EHHADH: variants seen among roughly 807,000 people sequenced by gnomAD.
EHHADH encodes peroxisomal bifunctional enzyme.
Under a neutral mutation model 64.4 loss-of-function variants are expected in EHHADH, and 48 were observed. The ratio of observed to expected loss-of-function variants is 0.75; its 90% CI spans 0.59 to 0.95. The LOEUF (loss-of-function observed/expected upper bound fraction) is 0.95, where lower values mean the gene tolerates loss of function less well. Ranked by LOEUF, EHHADH falls within the 40% of genes least tolerant of loss-of-function variation. EHHADH has a pLI of 0.00. For missense variants in EHHADH, 854 were observed against 876.6 expected, an observed-to-expected ratio of 0.97 and a Z score of 0.33; for synonymous variants, 308 against 326.7, an observed-to-expected ratio of 0.94 and a Z score of 0.62.
chr3:185,209,243 T>TA (rs1718476493), intron 5 of EHHADH, among the ~76,000 whole-genome samples: 4 of 152,130 alleles, frequency 2.6e-5, no homozygotes, highest in Admixed American at 2.6e-4. Context: ...AAGACCTTAA[T>TA]AAAAACAGAA....
rs1717863719 is a variant in EHHADH, at chr3:185,191,401, A to C, written c.*825T>G. 6.6e-6 allele frequency: 1 copy of C among 152,206 alleles called. No homozygotes were observed. The highest frequency in any genetic ancestry group is 6.5e-5 in the Admixed American group (1 of 15,272). The allele number at this position is 152,206 out of a possible 1,614,324, so 9.4% of individuals were successfully genotyped here. On this transcript the variant is annotated 3_prime_UTR_variant, in exon 7 of 7. Coordinates refer to ENST00000231887, the MANE Select transcript of EHHADH (RefSeq NM_001966.4). ...AATTCTGCTATAAATATTTGTGTAC[A>C]AGTTTTTGTATTGACCAGCCCCTTA...
chr3:185,228,280 G>GGAGAGA (rs35818610), intron 4 of EHHADH, among the ~76,000 whole-genome samples: 1,169 of 95,504 alleles, frequency 0.012, 15 homozygotes, highest in Middle Eastern at 0.022. Context: ...ATATATATAT[G>GGAGAGA]GAGAGAGAGA....
chr3:185,214,237 C>T (rs896092384), intron 5 of EHHADH, among the ~76,000 whole-genome samples: 33 of 152,330 alleles, frequency 2.2e-4, no homozygotes, highest in African/African-American at 7.5e-4. Context: ...ACCCCAAAAC[C>T]TTGCTTGAGT....
chr3:185,226,827 C>T (rs769999185), intron 4 of EHHADH: 1 of 152,086 alleles, frequency 6.6e-6, no homozygotes, highest in Non-Finnish European at 1.5e-5. Flanking sequence ...CCATGACTTA[C>T]AATGAATCTG....
intron 3 of EHHADH, among the ~76,000 whole-genome samples, chr3:185,231,884 C>T (rs535533247): frequency 6.4e-4 from 97 of 152,166 alleles, no homozygotes; most frequent in Non-Finnish European, 1.1e-3. Context: ...GGTTGCACAA[C>T]TCTGAGAATA....
Position 185,193,081 on chromosome 3 carries a change from G to C in EHHADH, c.1317C>G (p.Val439=). 6.2e-7 allele frequency: 1 copy of C among 1,614,036 alleles called. No individual in the cohort carries two copies. The highest frequency in any genetic ancestry group is 1.1e-5 in the South Asian group (1 of 91,032). Residue 439 remains valine, a synonymous_variant, in exon 7 of 7, where the codon GTC becomes GTG. Transcript: ENST00000231887. ...IGTHFFSPAH[V]MKLLEVIPSQ... The stretch of plus-strand genomic sequence containing the variant: ...TGGGAATAACCTCTAACAACTTCAT[G>C]ACATGAGCTGGCGAAAAGAAGTGGG...
At chr3:185,195,324 G>A (rs901133942) in intron 6 of EHHADH, among the ~76,000 whole-genome samples, 4 of 152,140 alleles carry the variant, frequency 2.6e-5, no homozygotes, top group African/African-American at 7.2e-5. Context: ...AAACCCACTA[G>A]GATTGCAATA....
rs770272693 is a variant in EHHADH at position 185,218,188 on chromosome 3, A to C, written c.516T>G (p.Val172=). The C allele has an allele frequency of 6.2e-7, 1 of 1,606,944 alleles. No individual in the cohort carries two copies. The highest frequency in any genetic ancestry group is 8.5e-7 in the Non-Finnish European group (1 of 1,177,642). Residue 172 remains valine, a synonymous_variant, in exon 5 of 7, where the codon GTT becomes GTG. Transcript: ENST00000231887. ...CTTCTTCAACCGGGTCTGAGTTTACAACTTTATCTAGAATGCCCAGCTTGA... is the reference window on the plus strand; with the variant it reads ...CTTCTTCAACCGGGTCTGAGTTTACCACTTTATCTAGAATGCCCAGCTTGA... ...EALKLGILDK[V]VNSDPVEEAI... is the part of the protein sequence containing the mutation.
intron 2 of EHHADH, chr3:185,246,296 C>T (rs1227909017): frequency 7.6e-6 from 6 of 787,804 alleles, no homozygotes; most frequent in Non-Finnish European, 1.2e-5. Flanking sequence ...AATCTTTGTC[C>T]TCAGTTGGCT....
At chr3:185,203,808 G>A (rs1463152804) in intron 6 of EHHADH, among the ~76,000 whole-genome samples, 1 of 152,020 alleles carries the variant, frequency 6.6e-6, no homozygotes. Flanking sequence ...AGGAAATCCA[G>A]GAATGAGAGA....
chr3:185,224,018 C>A (rs1480135334), intron 4 of EHHADH, among the ~76,000 whole-genome samples: 1 of 152,116 alleles, frequency 6.6e-6, no homozygotes, highest in African/African-American at 2.4e-5. Flanking sequence ...ACTCTACTTT[C>A]CAGAATTACC....
At chr3:185,202,855 T>C (rs534268885) in intron 6 of EHHADH, among the ~76,000 whole-genome samples, 1 of 152,188 alleles carries the variant, frequency 6.6e-6, no homozygotes, top group East Asian at 1.9e-4. Flanking sequence ...GCTAGACAGC[T>C]GGGCAAGGGT....
intron 2 of EHHADH, among the ~76,000 whole-genome samples, chr3:185,241,651 T>C (rs114021283): frequency 0.011 from 1,681 of 152,292 alleles, 16 homozygotes; most frequent in Admixed American, 0.023. Context: ...ATGGGATTTT[T>C]TTTTCTTGTT....
At chr3:185,243,706 T>A (rs1367054807) in intron 2 of EHHADH, among the ~76,000 whole-genome samples, 1 of 152,218 alleles carries the variant, frequency 6.6e-6, no homozygotes, top group Non-Finnish European at 1.5e-5. Flanking sequence ...ATACTTGATA[T>A]GATTTAGATT....
chr3:185,227,250 T>C (rs1045100894), intron 4 of EHHADH, among the ~76,000 whole-genome samples: 6 of 152,218 alleles, frequency 3.9e-5, no homozygotes, highest in Non-Finnish European at 7.3e-5. Context: ...AATATATACC[T>C]GGCTGGGCGC....
At chr3:185,214,726 C>T (rs1346611430) in intron 5 of EHHADH, among the ~76,000 whole-genome samples, 2 of 152,120 alleles carry the variant, frequency 1.3e-5, no homozygotes, top group African/African-American at 4.8e-5. Context: ...TTTCCAAGTT[C>T]TTCAACTTTC....
intron 2 of EHHADH, chr3:185,245,460 T>C: frequency 1.1e-6 from 1 of 940,652 alleles, no homozygotes; most frequent in South Asian, 1.9e-5. Flanking sequence ...GATTAGCAAA[T>C]TAGTTAGCTT....
In EHHADH at chr3:185,192,299, T is replaced by G. The variant is rs764258254; in HGVS notation, c.2099A>C (p.Lys700Thr). 6.2e-7 allele frequency: 1 copy of G among 1,614,190 alleles called. No homozygotes were observed. The highest frequency in any genetic ancestry group is 1.7e-5 in the Admixed American group (1 of 60,024). Residue 700 changes from lysine to threonine, a missense_variant, in exon 7 of 7, where the codon AAA becomes ACA. Lys to Thr is a moderately conservative substitution (Grantham distance 78, BLOSUM62 -1). Coordinates refer to ENST00000231887, the MANE Select transcript of EHHADH (RefSeq NM_001966.4). Reference sequence around the variant, plus strand: ...GGGAGGGTTTCCCTGAGAAGCCAGTTTTTTTAGATAGTCACTTGGCTCCAG... The same window carrying G: ...GGGAGGGTTTCCCTGAGAAGCCAGTGTTTTTAGATAGTCACTTGGCTCCAG... The part of the protein sequence containing the change: ...PQLEPSDYLK[K>T]LASQGNPPLK...
intron 4 of EHHADH, among the ~76,000 whole-genome samples, chr3:185,228,257 A>AAAAAAAAAAAATATATATAT (rs1367786172): frequency 4.5e-5 from 1 of 21,994 alleles, no homozygotes; most frequent in African/African-American, 1.2e-4. Flanking sequence ...AAAAAAAAAA[A>AAAAAAAAAAAATATATATAT]ATATATATAT....
Sources: gnomAD v4.1 joint callset for allele counts (sites outside exome capture counted in the v4.1 genomes callset) on GRCh38, gnomAD v4.1.1 for gene constraint, MANE v1.5 for transcripts, NCBI Gene and HGNC (gene_info 2026-07-23, HGNC 2026-07-21) for gene names.